TBP: variants seen among roughly 807,000 people sequenced by gnomAD.
TBP encodes the protein TATA-box-binding protein.
In TBP, 12 loss-of-function variants were observed where a neutral mutation model predicts 46.2. The observed-to-expected ratio is 0.26, with a 90% confidence interval of 0.17 to 0.42. The LOEUF is 0.42. TBP is among the 10% of genes least tolerant of loss of function. TBP has a pLI of 1.00. For missense variants in TBP, 229 were observed against 403.1 expected (o/e 0.57, Z 3.70); for synonymous variants, 157 against 148.3 (o/e 1.06, Z -0.42).
intron 3 of TBP, among the ~76,000 whole-genome samples, chr6:170,564,205 C>T (rs1271907343): frequency 6.6e-6 from 1 of 152,112 alleles, no homozygotes; most frequent in Non-Finnish European, 1.5e-5. Flanking sequence ...TGTGAGAAGG[C>T]TAAGGGCAGG....
rs763804938 is a variant in TBP at position 170,571,524 on chromosome 6, AG to A, written c.940+21del. ...TAACAGGTAAGTTGTAACAGGAAGTAGTATCTGAAAGTTTGTAAGTGTTTTG... is the reference window on the plus strand; with the variant it reads ...TAACAGGTAAGTTGTAACAGGAAGTATATCTGAAAGTTTGTAAGTGTTTTG... On this transcript the variant is annotated intron_variant, in intron 7 of 7. Coordinates refer to ENST00000392092, the MANE Select transcript of TBP (RefSeq NM_003194.5). 1.9e-6 allele frequency: 3 copies of A among 1,554,232 alleles called. No individual in the cohort carries two copies. In the South Asian group the frequency reaches 3.4e-5, roughly 17 times the overall value.
At position 170,557,043 on chromosome 6, in the gene TBP, A is replaced by G; in HGVS notation, c.14A>G (p.Asn5Ser). Residue 5 changes from asparagine to serine, a missense_variant, in exon 2 of 8, where the codon AAC becomes AGC. Asn to Ser is a conservative substitution (Grantham distance 46). Transcript: ENST00000392092. ...AAAGTGAACATCATGGATCAGAACA[A>G]CAGCCTGCCACCTTACGCTCAGGGC... MDQNNSLPPYAQGLA... is the reference protein window; with the variant it reads MDQNSSLPPYAQGLA... 1 of 1,614,150 alleles carries G rather than the reference A, an allele frequency of 6.2e-7. No individual in the cohort carries two copies. The highest frequency in any genetic ancestry group is 8.5e-7 in the Non-Finnish European group (1 of 1,180,008).
intron 1 of TBP, among the ~76,000 whole-genome samples, chr6:170,556,560 T>C (rs1186322391): frequency 1.3e-5 from 2 of 152,254 alleles, no homozygotes; most frequent in African/African-American, 2.4e-5. Context: ...TGCTCTGATA[T>C]TACATTTTGC....
intron 2 of TBP, among the ~76,000 whole-genome samples, chr6:170,558,955 G>A (rs1424772581): frequency 6.6e-6 from 1 of 152,166 alleles, no homozygotes; most frequent in African/African-American, 2.4e-5. Context: ...AAAGTGTTGG[G>A]ATTACAGGCA....
intron 3 of TBP, among the ~76,000 whole-genome samples, chr6:170,563,759 G>C (rs1424354995): frequency 6.6e-6 from 1 of 152,222 alleles, no homozygotes; most frequent in Non-Finnish European, 1.5e-5. Context: ...ATGCGAGACA[G>C]TTGTTGAGCA....
intron 3 of TBP, among the ~76,000 whole-genome samples, chr6:170,563,765 G>C (rs949189515): frequency 5.3e-5 from 8 of 152,176 alleles, no homozygotes; most frequent in African/African-American, 1.7e-4. Context: ...GACAGTTGTT[G>C]AGCAGTTAAT....
chr6:170,562,097 C>G lies in TBP; in HGVS notation c.361C>G (p.Leu121Val). The G allele has an allele frequency of 6.2e-7, 1 of 1,614,160 alleles. No homozygotes were observed. The highest frequency in any genetic ancestry group is 8.5e-7 in the Non-Finnish European group (1 of 1,180,030). ...TQGTSGQAPQLFHSQTLTTAP... is the reference protein window; with the variant it reads ...TQGTSGQAPQVFHSQTLTTAP... ...GGGAACCTCAGGCCAGGCACCACAG[C>G]TCTTCCACTCACAGACTCTCACAAC... Residue 121 changes from leucine to valine, a missense_variant, in exon 3 of 8, where the codon CTC becomes GTC. Coordinates refer to ENST00000392092, the MANE Select transcript of TBP (RefSeq NM_003194.5).
intron 2 of TBP, among the ~76,000 whole-genome samples, chr6:170,559,036 A>G (rs1779090285): frequency 6.6e-6 from 1 of 152,186 alleles, no homozygotes; most frequent in East Asian, 1.9e-4. Context: ...TGATGTTACT[A>G]TTGTAATTAT....
chr6:170,558,786 C>T (rs6929565), intron 2 of TBP, among the ~76,000 whole-genome samples: 2,139 of 151,620 alleles, frequency 0.014, 49 homozygotes, highest in African/African-American at 0.047. Context: ...CTCCATCTCC[C>T]GTGTTCAAGC....
intron 4 of TBP, among the ~76,000 whole-genome samples, chr6:170,564,995 A>G (rs1779218056): frequency 6.6e-6 from 1 of 152,194 alleles, no homozygotes; most frequent in Non-Finnish European, 1.5e-5. Context: ...CGTCTCTACT[A>G]AAAATACAAA....
chr6:170,561,244 C>G (rs1051412031), intron 2 of TBP, among the ~76,000 whole-genome samples: 4 of 152,284 alleles, frequency 2.6e-5, no homozygotes, highest in Non-Finnish European at 4.4e-5. Flanking sequence ...ACTTAATAGA[C>G]TTTAGTGCTA....
At position 170,561,468 on chromosome 6, in the gene TBP, C is replaced by G. The variant is rs180881409; in HGVS notation, c.55-323C>G. ...TTATTATTCTGTTTACCAGTCCTTT[C>G]TCAGATGTATGTATTATAGTTATTT... On this transcript the variant is annotated intron_variant, in intron 2 of 7. Transcript: ENST00000392092. Among the ~76,000 whole-genome samples the G allele has an allele frequency of 7.9e-5, 12 of 152,196 alleles. No homozygotes were observed. In the East Asian group the frequency reaches 2.3e-3, roughly 29 times the overall value.
chr6:170,562,059 A>G lies in TBP; in HGVS notation c.323A>G (p.Gln108Arg), dbSNP rs747033709. The G allele has an allele frequency of 1.2e-6, 2 of 1,613,970 alleles. No individual in the cohort carries two copies. Among genetic ancestry groups the G allele is most frequent in the Non-Finnish European group, 8.5e-7 (1 of 1,180,026 alleles). ...AAAAVQQSTS[Q>R]QATQGTSGQA... Reference sequence around the variant, plus strand: ...GCAGCCGTTCAGCAGTCAACGTCCCAGCAGGCAACACAGGGAACCTCAGGC... The same window carrying G: ...GCAGCCGTTCAGCAGTCAACGTCCCGGCAGGCAACACAGGGAACCTCAGGC... The change falls in exon 3 of 8, where the codon CAG becomes CGG. Residue 108 changes from glutamine to arginine, a missense_variant. Gln to Arg is a conservative substitution (Grantham distance 43). Coordinates refer to ENST00000392092, the MANE Select transcript of TBP (RefSeq NM_003194.5).
At chr6:170,563,391 T>A (rs1447330460) in intron 3 of TBP, among the ~76,000 whole-genome samples, 1 of 152,172 alleles carries the variant, frequency 6.6e-6, no homozygotes, top group African/African-American at 2.4e-5. Flanking sequence ...CAGTGCCCTC[T>A]CCATCTTGTA....
chr6:170,555,190 C>T (rs554886392), intron 1 of TBP, among the ~76,000 whole-genome samples: 386 of 152,268 alleles, frequency 2.5e-3, no homozygotes, highest in Non-Finnish European at 3.9e-3. Flanking sequence ...GACTTACTTG[C>T]AAAAAGTGGC....
At chr6:170,559,714 A>G (rs1779106450) in intron 2 of TBP, among the ~76,000 whole-genome samples, 1 of 152,254 alleles carries the variant, frequency 6.6e-6, no homozygotes, top group African/African-American at 2.4e-5. Flanking sequence ...GAAGGTGACT[A>G]TACTAAATAA....
At position 170,561,789 on chromosome 6, in the gene TBP, A is replaced by G. The variant is rs752552729; in HGVS notation, c.55-2A>G. ...ACCTGTTTTTCTCCTTGCTTTCCACAGGGTGCCATGACTCCCGGAATCCCT... is the reference window on the plus strand; with the variant it reads ...ACCTGTTTTTCTCCTTGCTTTCCACGGGGTGCCATGACTCCCGGAATCCCT... On this transcript the variant is annotated splice_acceptor_variant, in intron 2 of 7. Transcript: ENST00000392092. LOFTEE classifies it high-confidence loss of function. 6.2e-7 allele frequency: 1 copy of G among 1,605,774 alleles called. No homozygotes were observed. The highest frequency in any genetic ancestry group is 8.5e-7 in the Non-Finnish European group (1 of 1,173,234).
intron 5 of TBP, 67 bp from the exon 6 acceptor site, chr6:170,569,545 T>C: frequency 6.9e-7 from 1 of 1,440,100 alleles, no homozygotes; most frequent in East Asian, 2.3e-5. Flanking sequence ...TTTTTATAAG[T>C]TATTAGTCTA....
At chr6:170,561,720 T>G in intron 2 of TBP, 71 bp from the exon 3 acceptor site, 1 of 1,561,050 alleles carries the variant, frequency 6.4e-7, no homozygotes, top group Non-Finnish European at 8.7e-7. Flanking sequence ...TGACCTGCTG[T>G]TCCACCAAGA....
Sources: allele counts gnomAD v4.1 joint callset (sites outside exome capture counted in the v4.1 genomes callset), GRCh38; gene constraint gnomAD v4.1.1; transcripts MANE v1.5; gene names NCBI Gene and HGNC (gene_info 2026-07-23, HGNC 2026-07-21).